The following DPY19L1 variants were observed in gnomAD, a reference collection of about 807,000 sequenced individuals.
DPY19L1 encodes the protein dpy-19 like C-mannosyltransferase 1, also known as protein C-mannosyl-transferase DPY19L1.
Under a neutral mutation model 96.9 loss-of-function variants are expected in DPY19L1, and 35 were observed. The observed-to-expected ratio is 0.36, with a 90% CI of 0.28 to 0.48. DPY19L1 has a LOEUF of 0.48. Ranked by LOEUF, DPY19L1 falls within the 20% of genes least tolerant of loss-of-function variation. The pLI is 0.99. For missense variants in DPY19L1, 521 were observed against 777.9 expected, an observed-to-expected ratio of 0.67 and a Z score of 3.93; for synonymous variants, 205 against 252.6, an observed-to-expected ratio of 0.81 and a Z score of 1.79.
At chr7:34,962,903 C>T (rs1784530170) in intron 10 of DPY19L1, among the ~76,000 whole-genome samples, 1 of 151,826 alleles carries the variant, frequency 6.6e-6, no homozygotes, top group African/African-American at 2.4e-5. Flanking sequence ...CTTAATTTTG[C>T]TATAAACCTG....
chr7:35,020,865 T>C (rs1439621584), intron 1 of DPY19L1, among the ~76,000 whole-genome samples: 1 of 152,076 alleles, frequency 6.6e-6, no homozygotes, highest in Admixed American at 6.6e-5. Context: ...AATGCCACCA[T>C]GCCTGGCTAA....
At chr7:35,013,218 T>A (rs1310518001) in intron 4 of DPY19L1, among the ~76,000 whole-genome samples, 2 of 152,182 alleles carry the variant, frequency 1.3e-5, no homozygotes, top group East Asian at 3.8e-4. Flanking sequence ...TTCCCTCCAC[T>A]CCCACTCAAG....
intron 20 of DPY19L1, among the ~76,000 whole-genome samples, chr7:34,938,487 G>C (rs1649212): frequency 0.28 from 42,671 of 152,148 alleles, 6,180 homozygotes; most frequent in Non-Finnish European, 0.33. Flanking sequence ...CTGTGAAGCT[G>C]CAACAGTCCC....
intron 6 of DPY19L1, among the ~76,000 whole-genome samples, chr7:34,998,086 A>AGT (rs777965064): frequency 1.3e-5 from 2 of 152,258 alleles, no homozygotes; most frequent in Non-Finnish European, 2.9e-5. Context: ...AATCTCTCAG[A>AGT]TATCAGAGAA....
chr7:34,944,391 T>TTCCAAAAC (rs1784096471), intron 16 of DPY19L1, among the ~76,000 whole-genome samples: 1 of 138,712 alleles, frequency 7.2e-6, no homozygotes, highest in African/African-American at 2.7e-5. Context: ...AAAAGAAAAA[T>TTCCAAAAC]TAAAAAAAAG....
chr7:34,995,678 GAA>G (rs1348948118), intron 6 of DPY19L1, among the ~76,000 whole-genome samples: 1 of 151,928 alleles, frequency 6.6e-6, no homozygotes, highest in Non-Finnish European at 1.5e-5. Flanking sequence ...TTAAACTTTT[GAA>G]GAGAAAAAAG....
intron 10 of DPY19L1, among the ~76,000 whole-genome samples, chr7:34,966,115 C>T (rs1784602835): frequency 6.6e-6 from 1 of 151,908 alleles, no homozygotes. Flanking sequence ...TTGCCTCAGC[C>T]TCCCCAAGCC....
Position 34,966,953 on chromosome 7 carries a change from C to A in DPY19L1, c.1033G>T (p.Val345Leu), listed in dbSNP as rs1162886829. The A allele has an allele frequency of 2.0e-6, 3 of 1,536,232 alleles. No homozygotes were observed. The highest frequency in any genetic ancestry group is 2.6e-6 in the Non-Finnish European group (3 of 1,143,182). The change falls in exon 10 of 22, where the codon GTA becomes TTA. Residue 345 changes from valine to leucine, a missense_variant. Val to Leu is a conservative substitution (Grantham distance 32). Transcript: ENST00000638088. ...LLTQIASLFA[V>L]YVVGYIDICK... ...ATATCAATGTACCCGACAACATATACTGCAAATAATGATGCAATCTGAAAT... is the reference window on the plus strand; with the variant it reads ...ATATCAATGTACCCGACAACATATAATGCAAATAATGATGCAATCTGAAAT...
At chr7:34,971,954 G>T (rs1433159499) in intron 8 of DPY19L1, among the ~76,000 whole-genome samples, 1 of 152,228 alleles carries the variant, frequency 6.6e-6, no homozygotes. Context: ...TCACAGTAGG[G>T]AATGTATCCC....
Position 34,949,789 on chromosome 7 carries a change from C to T in DPY19L1, c.1422+8G>A. The T allele has an allele frequency of 6.4e-7, 1 of 1,555,018 alleles. No homozygotes were observed. The highest frequency in any genetic ancestry group is 8.8e-7 in the Non-Finnish European group (1 of 1,133,290). On this transcript the variant is annotated splice_region_variant and intron_variant, in intron 14 of 21. Coordinates refer to ENST00000638088, the MANE Select transcript of DPY19L1 (RefSeq NM_001366673.1). ...CCTTAGGAAACAGAACTAGAAATCACATCTTACCTCTTTTTCCATAAAGTC... is the reference window on the plus strand; with the variant it reads ...CCTTAGGAAACAGAACTAGAAATCATATCTTACCTCTTTTTCCATAAAGTC...
At chr7:34,954,035 A>C (rs1239713611) in intron 13 of DPY19L1, among the ~76,000 whole-genome samples, 23 of 152,208 alleles carry the variant, frequency 1.5e-4, no homozygotes, top group Non-Finnish European at 3.4e-4. Context: ...CTATAGGAAA[A>C]AAATAGTTTA....
intron 7 of DPY19L1, among the ~76,000 whole-genome samples, chr7:34,982,335 G>T (rs1784956552): frequency 6.6e-6 from 1 of 152,120 alleles, no homozygotes; most frequent in South Asian, 2.1e-4. Context: ...AGTATTTAGG[G>T]GTGAGACAGC....
At chr7:34,966,444 T>C (rs1784609901) in intron 10 of DPY19L1, among the ~76,000 whole-genome samples, 1 of 152,078 alleles carries the variant, frequency 6.6e-6, no homozygotes, top group Non-Finnish European at 1.5e-5. Flanking sequence ...ACTACAGGCA[T>C]GCATCACCAT....
rs376111877 is a variant in DPY19L1, at chr7:35,010,584, T to C, written c.671-23A>G. The C allele has an allele frequency of 1.1e-5, 17 of 1,503,708 alleles. No individual in the cohort carries two copies. In the African/African-American group the frequency reaches 1.9e-4, roughly 17 times the overall value. 93.1% of individuals were successfully genotyped at this position (1,503,708 alleles called of 1,614,324 possible). A position where few individuals can be genotyped will look rare whatever the true frequency, so the allele number is the denominator to read the frequency against. On this transcript the variant is annotated intron_variant, in intron 5 of 21. Transcript: ENST00000638088. The stretch of plus-strand genomic sequence containing the variant: ...ATCCTTTAAAAATAAACAAAACATA[T>C]GTTCTAATCACATTAACCCAAATTA...
At chr7:35,017,152 T>C (rs1785870227) in intron 3 of DPY19L1, among the ~76,000 whole-genome samples, 1 of 152,056 alleles carries the variant, frequency 6.6e-6, no homozygotes, top group Admixed American at 6.5e-5. Context: ...GAGACACTTA[T>C]GAAAGTATGA....
chr7:35,020,022 C>T (rs1423448748), intron 1 of DPY19L1, among the ~76,000 whole-genome samples: 1 of 152,068 alleles, frequency 6.6e-6, no homozygotes, highest in Non-Finnish European at 1.5e-5. Flanking sequence ...GTCCCAGCTA[C>T]TCAGGAAGGC....
chr7:34,937,439 T>C (rs530473743), intron 21 of DPY19L1, among the ~76,000 whole-genome samples: 1 of 152,320 alleles, frequency 6.6e-6, no homozygotes, highest in South Asian at 2.1e-4. Flanking sequence ...TTTCAGACCC[T>C]GGAAGTCTTT....
At chr7:34,943,075 C>T (rs1784060869) in intron 16 of DPY19L1, among the ~76,000 whole-genome samples, 1 of 152,182 alleles carries the variant, frequency 6.6e-6, no homozygotes, top group Non-Finnish European at 1.5e-5. Flanking sequence ...CAACACACAC[C>T]TTCTCTTTCT....
At chr7:35,003,131 G>A (rs752356528) in intron 6 of DPY19L1, among the ~76,000 whole-genome samples, 15 of 152,098 alleles carry the variant, frequency 9.9e-5, no homozygotes, top group African/African-American at 3.1e-4. Context: ...AACCAAATAC[G>A]AAAGCAAATA....
Sources: allele counts gnomAD v4.1 joint callset (sites outside exome capture counted in the v4.1 genomes callset), GRCh38; gene constraint gnomAD v4.1.1; transcripts MANE v1.5; gene names NCBI Gene and HGNC (gene_info 2026-07-23, HGNC 2026-07-21).